The following VPS54 variants were observed in gnomAD, a reference collection of about 807,000 sequenced individuals.
VPS54 encodes the protein vacuolar protein sorting-associated protein 54.
A neutral mutation model predicts 121.5 loss-of-function variants in VPS54; 45 were observed. The observed-to-expected ratio is 0.37, with a 90% CI of 0.29 to 0.47. The LOEUF is 0.47. VPS54 is among the 20% of genes least tolerant of loss of function. The probability of loss-of-function intolerance (pLI) is 0.99; values close to 1 mark genes in which losing one functional copy is unlikely to be tolerated. For synonymous variants in VPS54, 371 were observed against 385.8 expected, an observed-to-expected ratio of 0.96 and a Z score of 0.45; for missense variants, 1,090 against 1,131.4, an observed-to-expected ratio of 0.96 and a Z score of 0.52.
intron 20 of VPS54, among the ~76,000 whole-genome samples, chr2:63,900,231 A>AC (rs1672622260): frequency 6.6e-6 from 1 of 151,270 alleles, no homozygotes; most frequent in Middle Eastern, 3.4e-3. Flanking sequence ...AAAAAAAAAA[A>AC]AAAAAAAAAA....
At chr2:63,909,558 T>C (rs2104425063) in intron 20 of VPS54, among the ~76,000 whole-genome samples, 1 of 150,814 alleles carries the variant, frequency 6.6e-6, no homozygotes, top group Admixed American at 6.6e-5. Context: ...TAGCTGGGAT[T>C]ACAAGCACCC....
intron 21 of VPS54, 38 bp from the exon 22 acceptor site, chr2:63,897,628 C>T (rs751893688): frequency 3.3e-5 from 41 of 1,238,696 alleles, no homozygotes; most frequent in Non-Finnish European, 6.8e-6. Flanking sequence ...TAAAGTTCTA[C>T]TGAAATAGAA....
intron 11 of VPS54, among the ~76,000 whole-genome samples, chr2:63,939,905 G>C (rs1052787615): frequency 6.6e-6 from 1 of 151,932 alleles, no homozygotes; most frequent in African/African-American, 2.4e-5. Context: ...GGACAAACAT[G>C]CACCAACACG....
intron 10 of VPS54, 103 bp downstream of exon 10, chr2:63,944,497 C>T: frequency 8.9e-7 from 1 of 1,128,446 alleles, no homozygotes. Context: ...CTGCTCACAC[C>T]TTAGTAAATA....
intron 15 of VPS54, among the ~76,000 whole-genome samples, chr2:63,918,433 C>G (rs985268270): frequency 1.3e-5 from 2 of 151,700 alleles, no homozygotes; most frequent in Non-Finnish European, 1.5e-5. Context: ...GCTTGAAAGA[C>G]TAGATGAGTG....
At chr2:63,996,744 T>C (rs1035098163) in intron 1 of VPS54, among the ~76,000 whole-genome samples, 2 of 152,318 alleles carry the variant, frequency 1.3e-5, no homozygotes, top group Non-Finnish European at 1.5e-5. Flanking sequence ...CAGTTGTAGA[T>C]AGGGATGAAA....
chr2:63,991,039 C>T (rs908241304), intron 1 of VPS54, among the ~76,000 whole-genome samples: 1 of 152,128 alleles, frequency 6.6e-6, no homozygotes, highest in Non-Finnish European at 1.5e-5. Context: ...TCAGCTAAAT[C>T]GGACTAATAG....
intron 10 of VPS54, among the ~76,000 whole-genome samples, chr2:63,943,727 C>CTTTCT (rs34858643): frequency 0.31 from 39,860 of 129,242 alleles, 6,571 homozygotes; most frequent in Middle Eastern, 0.37. Context: ...TTCTTTCTTT[C>CTTTCT]TTTTTTTTTT....
At chr2:63,969,063 C>G in intron 4 of VPS54, 72 bp from the exon 5 acceptor site, 1 of 1,287,932 alleles carries the variant, frequency 7.8e-7, no homozygotes, top group African/African-American at 1.5e-5. Context: ...TACATTTTGA[C>G]AGATTCAGTA....
intron 1 of VPS54, among the ~76,000 whole-genome samples, chr2:64,010,214 G>C (rs1365683469): frequency 6.6e-6 from 1 of 152,094 alleles, no homozygotes; most frequent in Admixed American, 6.6e-5. Context: ...TGGATAAAGT[G>C]GAATTTCTTT....
At chr2:63,957,399 A>C (rs1208602651) in intron 7 of VPS54, among the ~76,000 whole-genome samples, 4 of 148,932 alleles carry the variant, frequency 2.7e-5, no homozygotes, top group Non-Finnish European at 4.4e-5. Context: ...CCAAGACTGC[A>C]CCACTGCACT....
intron 1 of VPS54, among the ~76,000 whole-genome samples, chr2:64,013,544 C>T (rs1678526730): frequency 7.0e-6 from 1 of 142,718 alleles, no homozygotes. Context: ...TAAGTAAATG[C>T]TGATATATAT....
intron 9 of VPS54, among the ~76,000 whole-genome samples, chr2:63,946,396 C>T (rs189035218): frequency 3.9e-5 from 6 of 151,928 alleles, no homozygotes; most frequent in Non-Finnish European, 8.8e-5. Context: ...TGGGTGCATA[C>T]CTAGGAATAG....
rs748610271 is a variant in VPS54, at chr2:63,985,677, TTATACACA to T, written c.-20-1666_-20-1659del. 6.2e-3 allele frequency among the ~76,000 whole-genome samples: 699 copies of T among 112,668 alleles called. 5 individuals are homozygous for T. The highest frequency in any genetic ancestry group is 0.025 in the South Asian group (90 of 3,620). The allele number at this position is 112,668 out of a possible 152,430, so 73.9% of individuals were successfully genotyped here. On this transcript the variant is annotated intron_variant, in intron 1 of 22. Coordinates refer to ENST00000272322, the MANE Select transcript of VPS54 (RefSeq NM_016516.3). The stretch of plus-strand genomic sequence containing the variant: ...GTTTACACTGGGAAGAAGTGACAAA[TTATACACA>T]CACACACACACACACACACACACAC...
At chr2:63,991,780 T>C (rs1677331405) in intron 1 of VPS54, among the ~76,000 whole-genome samples, 1 of 152,162 alleles carries the variant, frequency 6.6e-6, no homozygotes, top group African/African-American at 2.4e-5. Flanking sequence ...AGACCAACAT[T>C]GCATTTCCAC....
Position 63,962,147 on chromosome 2 carries a change from T to C in VPS54, c.921A>G (p.Leu307=). ...HQTQPTVQVL[L]STSEFVGALD... ...ATGCTCCAACAAATTCAGAAGTAGA[T>C]AATAACACCTGTACTGTAGGCTGAG... Residue 307 remains leucine (L), a synonymous_variant, in exon 7 of 23, where the codon TTA becomes TTG. Coordinates refer to ENST00000272322, the MANE Select transcript of VPS54 (RefSeq NM_016516.3). 6.2e-7 allele frequency: 1 copy of C among 1,611,224 alleles called. No homozygotes were observed. Among genetic ancestry groups the C allele is most frequent in the Non-Finnish European group, 8.5e-7 (1 of 1,177,518 alleles).
chr2:64,014,527 G>A (rs547150036), intron 1 of VPS54, among the ~76,000 whole-genome samples: 2 of 144,554 alleles, frequency 1.4e-5, no homozygotes, highest in Admixed American at 1.4e-4. Context: ...TCAGATTATA[G>A]TGATATACTA....
chr2:63,965,841 T>C lies in VPS54; in HGVS notation c.618A>G (p.Gln206=). ...AAAGTCAAAAAGAAATTACCTTTTC[T>C]TGAAGCAACTTTGAGGAAGCTGCAT... ...NRDAASSKLL[Q]EKLSHYLDIV... Residue 206 remains glutamine (Q), a synonymous_variant, in exon 6 of 23, where the codon CAA becomes CAG. Transcript: ENST00000272322. 1.2e-6 allele frequency: 2 copies of C among 1,611,488 alleles called. No homozygotes were observed. Among genetic ancestry groups the C allele is most frequent in the Non-Finnish European group, 1.7e-6 (2 of 1,179,428 alleles).
Position 64,017,093 on chromosome 2 carries a change from G to C in VPS54, c.-21+1845C>G, listed in dbSNP as rs1576030581. Among the ~76,000 whole-genome samples, 5 of 147,528 alleles carry C rather than the reference G, an allele frequency of 3.4e-5. 1 individual carries two copies. In the South Asian group the frequency reaches 1.1e-3, roughly 32 times the overall value. ...GCGGTGGCTCACACCTCTAATCCCA[G>C]CACTCTGGGAGGCCGAGGCCGGTGG... On this transcript the variant is annotated intron_variant, in intron 1 of 22. Coordinates refer to ENST00000272322, the MANE Select transcript of VPS54 (RefSeq NM_016516.3).
Sources: allele counts gnomAD v4.1 joint callset (sites outside exome capture counted in the v4.1 genomes callset), GRCh38; gene constraint gnomAD v4.1.1; transcripts MANE v1.5; gene names NCBI Gene and HGNC (gene_info 2026-07-23, HGNC 2026-07-21).